NCAM2: variants seen among roughly 807,000 people sequenced by gnomAD.
NCAM2 encodes the protein N-CAM-2.
Under a neutral mutation model 98.1 loss-of-function variants are expected in NCAM2, and 30 were observed. That is an observed-to-expected ratio of 0.31 (90% CI 0.23 to 0.41). The LOEUF (loss-of-function observed/expected upper bound fraction) is 0.41. Among genes scored for constraint, NCAM2 ranks in the 10% least tolerant of loss-of-function variants. NCAM2 has a pLI of 1.00. For missense variants in NCAM2, 867 were observed against 1,005.8 expected, an observed-to-expected ratio of 0.86 and a Z score of 1.87; for synonymous variants, 368 against 342.4, an observed-to-expected ratio of 1.07 and a Z score of -0.83.
At chr21:21,356,998 T>TAAATAAAG (rs1292012327) in intron 8 of NCAM2, among the ~76,000 whole-genome samples, 18 of 149,178 alleles carry the variant, frequency 1.2e-4, no homozygotes, top group Admixed American at 4.0e-4. Flanking sequence ...AATAAATAAA[T>TAAATAAAG]AAATAAATAA....
At chr21:21,461,705 G>T (rs563152849) in intron 12 of NCAM2, among the ~76,000 whole-genome samples, 1 of 150,342 alleles carries the variant, frequency 6.7e-6, no homozygotes, top group Non-Finnish European at 1.5e-5. Flanking sequence ...TTAAAGTACT[G>T]TTAAAAAAAC....
intron 1 of NCAM2, among the ~76,000 whole-genome samples, chr21:21,130,989 T>A (rs979814262): frequency 2.6e-5 from 4 of 152,204 alleles, no homozygotes; most frequent in African/African-American, 9.6e-5. Flanking sequence ...ATGTTTTAAA[T>A]TCTTTTGTGG....
At chr21:21,283,086 T>C (rs1461937230) in intron 2 of NCAM2, among the ~76,000 whole-genome samples, 1 of 151,990 alleles carries the variant, frequency 6.6e-6, no homozygotes, top group Non-Finnish European at 1.5e-5. Flanking sequence ...TGCATTACTC[T>C]GTAACAACTA....
intron 8 of NCAM2, among the ~76,000 whole-genome samples, chr21:21,339,578 TA>T (rs1442333038): frequency 6.6e-6 from 1 of 151,970 alleles, no homozygotes; most frequent in Non-Finnish European, 1.5e-5. Flanking sequence ...AAACCTCCTT[TA>T]AACTTTTTTC....
At chr21:21,470,872 G>A (rs1201246502) in intron 14 of NCAM2, among the ~76,000 whole-genome samples, 2 of 151,950 alleles carry the variant, frequency 1.3e-5, no homozygotes, top group Non-Finnish European at 2.9e-5. Context: ...TAGAAATTTA[G>A]GCACCTATGG....
At chr21:21,403,269 T>C (rs1341621153) in intron 9 of NCAM2, among the ~76,000 whole-genome samples, 1 of 152,194 alleles carries the variant, frequency 6.6e-6, no homozygotes. Context: ...GTTAATGTTC[T>C]TCTGGGAATC....
At position 21,371,505 on chromosome 21, in the gene NCAM2, T is replaced by G. The variant is rs551778505; in HGVS notation, c.1045-2358T>G. Reference sequence around the variant, plus strand: ...ATGGTCCCTATTTACCTGTCCATCATCAGGAGAACCACATGACCCCACTGT... The same window carrying G: ...ATGGTCCCTATTTACCTGTCCATCAGCAGGAGAACCACATGACCCCACTGT... On this transcript the variant is annotated intron_variant, in intron 8 of 17. Transcript: ENST00000400546. Among the ~76,000 whole-genome samples, 5 of 151,900 alleles carry G rather than the reference T, an allele frequency of 3.3e-5. No individual in the cohort carries two copies. The South Asian group carries it at 8.3e-4, about 25-fold the overall frequency.
intron 5 of NCAM2, among the ~76,000 whole-genome samples, chr21:21,312,431 G>A (rs991851844): frequency 6.6e-6 from 1 of 150,402 alleles, no homozygotes; most frequent in East Asian, 1.9e-4. Context: ...AATAATATTA[G>A]GTTCAGAGGT....
rs150466591 is a variant in NCAM2, at chr21:21,537,928, C to G, written c.2485C>G (p.Gln829Glu). The change falls in exon 18 of 18, where the codon CAA (glutamine) becomes GAA (glutamate). Residue 829 changes from glutamine to glutamate, a missense_variant. By Grantham distance (29) the Gln-to-Glu change is conservative. This residue lies in a region of NCAM2 where 125 missense variants were observed against 116.1 expected (regional missense o/e 1.08). Coordinates refer to ENST00000400546, the MANE Select transcript of NCAM2 (RefSeq NM_004540.5). ...AATTAAAGTTTCTAACGACATCATTCAATCAAAAGAAGACGACAGCAAAGC... is the reference window on the plus strand; with the variant it reads ...AATTAAAGTTTCTAACGACATCATTGAATCAAAAGAAGACGACAGCAAAGC... ...IEIKVSNDIIQSKEDDSKA is the reference protein window; with the variant it reads ...IEIKVSNDIIESKEDDSKA The G allele has an allele frequency of 3.5e-4, 545 of 1,569,482 alleles. No individual in the cohort carries two copies. In the African/African-American group the frequency reaches 6.1e-3, roughly 18 times the overall value.
Position 21,450,793 on chromosome 21 carries a change from T to TACAC in NCAM2, c.1655-15775_1655-15772dup, listed in dbSNP as rs71195329. Among the ~76,000 whole-genome samples the TACAC allele has an allele frequency of 9.2e-3, 1,320 of 143,486 alleles. 10 individuals are homozygous for TACAC. The highest frequency in any genetic ancestry group is 0.023 in the East Asian group (111 of 4,782). 94.1% of individuals were successfully genotyped at this position (143,486 alleles called of 152,430 possible). On this transcript the variant is annotated intron_variant, in intron 12 of 17. Coordinates refer to ENST00000400546, the MANE Select transcript of NCAM2 (RefSeq NM_004540.5). Reference sequence around the variant, plus strand: ...CATCATGTATGTATGTATGTATGTATACACACACACACACACACACACACA... The same window carrying TACAC: ...CATCATGTATGTATGTATGTATGTATACACACACACACACACACACACACACACA...
intron 12 of NCAM2, among the ~76,000 whole-genome samples, chr21:21,439,098 T>A (rs894021533): frequency 2.0e-5 from 3 of 148,144 alleles, no homozygotes; most frequent in Non-Finnish European, 4.5e-5. Flanking sequence ...AAAAAATAAA[T>A]AAATAAAAAT....
chr21:21,346,174 T>C (rs1050014831), intron 8 of NCAM2, among the ~76,000 whole-genome samples: 2 of 129,720 alleles, frequency 1.5e-5, no homozygotes, highest in African/African-American at 5.9e-5. Context: ...AAGACTCACA[T>C]AGACTGAAAA....
In NCAM2 at chr21:21,324,413, C is replaced by A; in HGVS notation, c.650C>A (p.Ser217Tyr). Residue 217 changes from serine to tyrosine, a missense_variant, in exon 6 of 18, where the codon TCT becomes TAT. Ser to Tyr is a moderately radical substitution (Grantham distance 144). Around this residue, in one of 5 missense-constraint regions of NCAM2, gnomAD observed 447 missense variants for 495.7 expected, o/e 0.90. Transcript: ENST00000400546. ...CCAGCAATCTCAATGCCTCAGAAAT[C>A]TTTTAATGCCACAGCAGAGAGAGGA... ...VPPAISMPQKSFNATAERGEE... is the reference protein window; with the variant it reads ...VPPAISMPQKYFNATAERGEE... 1 of 1,613,544 alleles carries A rather than the reference C, an allele frequency of 6.2e-7. No individual in the cohort carries two copies. The highest frequency in any genetic ancestry group is 8.5e-7 in the Non-Finnish European group (1 of 1,179,630).
chr21:21,097,498 T>C (rs75642657), intron 1 of NCAM2, among the ~76,000 whole-genome samples: 1 of 151,738 alleles, frequency 6.6e-6, no homozygotes, highest in Non-Finnish European at 1.5e-5. Context: ...CATATTTTTT[T>C]AACAGAGATA....
chr21:21,063,753 C>T (rs962915791), intron 1 of NCAM2, among the ~76,000 whole-genome samples: 1 of 152,054 alleles, frequency 6.6e-6, no homozygotes, highest in African/African-American at 2.4e-5. Context: ...GTATTTATTA[C>T]TGGTTTACGT....
intron 1 of NCAM2, among the ~76,000 whole-genome samples, chr21:21,147,436 G>C (rs1347751315): frequency 1.3e-5 from 2 of 151,624 alleles, no homozygotes; most frequent in African/African-American, 4.8e-5. Flanking sequence ...TTGAGACAGG[G>C]TCTTGCCCTG....
At chr21:21,486,758 T>A (rs1986425135) in intron 15 of NCAM2, among the ~76,000 whole-genome samples, 1 of 152,166 alleles carries the variant, frequency 6.6e-6, no homozygotes, top group Admixed American at 6.5e-5. Flanking sequence ...TAACTCAAGG[T>A]CACTAAGTGA....
At chr21:21,240,423 GA>G (rs1241108624) in intron 1 of NCAM2, among the ~76,000 whole-genome samples, 1 of 150,262 alleles carries the variant, frequency 6.7e-6, no homozygotes, top group Non-Finnish European at 1.5e-5. Flanking sequence ...TTGTTTCTGA[GA>G]AAAAAGATGG....
chr21:21,241,789 T>A (rs2071077585), intron 1 of NCAM2, among the ~76,000 whole-genome samples: 1 of 152,048 alleles, frequency 6.6e-6, no homozygotes, highest in Non-Finnish European at 1.5e-5. Context: ...AGGGTCTGCA[T>A]AGAGAACATT....
Sources: gnomAD v4.1 joint callset for allele counts (sites outside exome capture counted in the v4.1 genomes callset) on GRCh38, gnomAD v4.1.1 for gene constraint, gnomAD v4.1.1 regional missense constraint, MANE v1.5 for transcripts, NCBI Gene and HGNC (gene_info 2026-07-23, HGNC 2026-07-21) for gene names.